The following ZNF593OS variants were observed in gnomAD, a reference collection of about 807,000 sequenced individuals.
ZNF593OS encodes ZNF593 opposite strand.
chr1:26,170,596 G>C (rs1393439235), exon 2 of ZNF593OS: 1 of 1,613,794 alleles, frequency 6.2e-7, no homozygotes, highest in Non-Finnish European at 8.5e-7. Context: ...TGAGCGTCGA[G>C]CCCTACAGTC....
downstream of ZNF593OS, chr1:26,170,233 G>A (rs775655706): frequency 1.3e-6 from 2 of 1,581,194 alleles, no homozygotes; most frequent in East Asian, 2.3e-5. Context: ...CCGCGGTACC[G>A]GCCGGGAGAT....
chr1:26,170,712 C>T (rs2088487570), exon 2 of ZNF593OS: 1 of 1,603,398 alleles, frequency 6.2e-7, no homozygotes, highest in African/African-American at 1.3e-5. Flanking sequence ...GATACCTCTA[C>T]CTGACATGGC....
downstream of ZNF593OS, chr1:26,170,151 A>AG: frequency 1.3e-6 from 2 of 1,572,140 alleles, no homozygotes. Flanking sequence ...CCGACCTGCC[A>AG]GGGGGCGGTC....
At chr1:26,169,972 C>CTGT (rs1557613706), downstream of ZNF593OS, 3 of 1,534,152 alleles carry the variant, frequency 2.0e-6, no homozygotes, top group Admixed American at 5.9e-5. Context: ...GCCGGCCGGG[C>CTGT]TGTTTCTGGC....
chr1:26,170,310 G>A, downstream of ZNF593OS: 1 of 1,530,144 alleles, frequency 6.5e-7, no homozygotes, highest in Non-Finnish European at 8.8e-7. Flanking sequence ...CCCGCCTCCC[G>A]TTTCTCAGAC....
At chr1:26,169,573 T>G, downstream of ZNF593OS, 1 of 208,878 alleles carries the variant, frequency 4.8e-6, no homozygotes, top group Non-Finnish European at 9.5e-6. Flanking sequence ...TTTCCAGAGA[T>G]AAAGCATCCC....
chr1:26,169,833 C>A (rs2088465349), downstream of ZNF593OS: 1 of 842,560 alleles, frequency 1.2e-6, no homozygotes. Context: ...GCGCTCGAGC[C>A]GCTGGCCGAG....
downstream of ZNF593OS, chr1:26,170,165 AC>A: frequency 5.1e-6 from 8 of 1,571,010 alleles, no homozygotes; most frequent in Non-Finnish European, 6.9e-6. Flanking sequence ...GGCGGTCTGC[AC>A]CGCTGTCTGG....
chr1:26,170,089 C>G, downstream of ZNF593OS: 1 of 1,571,962 alleles, frequency 6.4e-7, no homozygotes, highest in Non-Finnish European at 8.6e-7. Flanking sequence ...CCGCGAGCTG[C>G]GGCCTCAGGG....
At chr1:26,170,429 T>G, downstream of ZNF593OS, 1 of 1,613,948 alleles carries the variant, frequency 6.2e-7, no homozygotes, top group Non-Finnish European at 8.5e-7. Flanking sequence ...AGGTACTTCA[T>G]CGATTCCACC....
chr1:26,170,718 A>G, exon 2 of ZNF593OS: 2 of 1,603,214 alleles, frequency 1.2e-6, no homozygotes, highest in Non-Finnish European at 1.7e-6. Context: ...TCTACCTGAC[A>G]TGGCCTGAAG....
rs2088498188 is a variant in ZNF593OS at position 26,171,628 on chromosome 1, G to A, written c.34C>T (p.Arg12Trp). The change falls in exon 1 of 2, where the codon CGG (arginine) becomes TGG (tryptophan). Residue 12 changes from arginine (R) to tryptophan (W), a missense_variant. By Grantham distance (101) the Arg-to-Trp change is moderately radical. Coordinates refer to ENST00000648649, the Ensembl canonical transcript of ZNF593OS. The surrounding 1 kb of genome is among the most constrained non-coding windows in gnomAD (Gnocchi z 5.5). ...TCAGGGGTACTTACCTGTAACACCCGGAAGTAACCAGGGGTCAAGCGTCGA... is the reference window on the plus strand; with the variant it reads ...TCAGGGGTACTTACCTGTAACACCCAGAAGTAACCAGGGGTCAAGCGTCGA... 1 of 398,632 alleles carries A rather than the reference G, an allele frequency of 2.5e-6. No homozygotes were observed. Among genetic ancestry groups the A allele is most frequent in the Non-Finnish European group, 4.4e-6 (1 of 226,072 alleles). 24.7% of individuals were successfully genotyped at this position (398,632 alleles called of 1,614,324 possible). A position where few individuals can be genotyped will look rare whatever the true frequency, so the allele number is the denominator to read the frequency against.
At chr1:26,169,968 C>T (rs192858572), downstream of ZNF593OS, 2 of 1,531,084 alleles carry the variant, frequency 1.3e-6, no homozygotes, top group Admixed American at 2.0e-5. Context: ...CTTGGCCGGC[C>T]GGGCTGTTTC....
At chr1:26,169,974 G>GT, downstream of ZNF593OS, 1 of 1,536,690 alleles carries the variant, frequency 6.5e-7, no homozygotes, top group Non-Finnish European at 8.7e-7. Context: ...CGGCCGGGCT[G>GT]TTTCTGGCCA....
exon 2 of ZNF593OS, chr1:26,170,658 G>A: frequency 1.2e-6 from 2 of 1,611,966 alleles, no homozygotes; most frequent in Non-Finnish European, 1.7e-6. Context: ...CCCCCCAGGC[G>A]GCTGGCAGTG....
downstream of ZNF593OS, chr1:26,170,303 G>T: frequency 5.3e-6 from 8 of 1,523,474 alleles, no homozygotes; most frequent in Non-Finnish European, 7.1e-6. Context: ...GGGTCCGCCC[G>T]CCTCCCGTTT....
chr1:26,170,594 G>A (rs1170626536), exon 2 of ZNF593OS: 1 of 1,613,738 alleles, frequency 6.2e-7, no homozygotes, highest in South Asian at 1.1e-5. Flanking sequence ...GCTGAGCGTC[G>A]AGCCCTACAG....
At chr1:26,169,646 C>A (rs988983799), downstream of ZNF593OS, 1 of 398,742 alleles carries the variant, frequency 2.5e-6, no homozygotes, top group Non-Finnish European at 4.5e-6. Flanking sequence ...CAGGTTGGCA[C>A]TGATACTGGT....
downstream of ZNF593OS, chr1:26,169,884 C>T: frequency 7.8e-7 from 1 of 1,286,782 alleles, no homozygotes; most frequent in Non-Finnish European, 1.0e-6. Context: ...CCTGCCTAGC[C>T]CCCCGGCGTG....
Sources: allele counts gnomAD v4.1 joint callset, GRCh38; gene constraint gnomAD v4.1.1; non-coding constraint Gnocchi (gnomAD v3.1); transcripts MANE v1.5; gene names NCBI Gene and HGNC (gene_info 2026-07-23, HGNC 2026-07-21).